SHC3: variants seen among roughly 807,000 people sequenced by gnomAD.
The protein encoded by SHC3 is SHC-transforming protein 3.
A neutral mutation model predicts 60.4 loss-of-function variants in SHC3; 15 were observed. The observed-to-expected ratio is 0.25, with a 90% CI of 0.17 to 0.38. SHC3 has a LOEUF of 0.38. Ranked by LOEUF, SHC3 falls within the 10% of genes least tolerant of loss-of-function variation. The pLI, the probability that SHC3 is intolerant of heterozygous loss-of-function variation, is 1.00. For synonymous variants in SHC3, 294 were observed against 325.9 expected, an observed-to-expected ratio of 0.90 and a Z score of 1.05; for missense variants, 677 against 786.1, an observed-to-expected ratio of 0.86 and a Z score of 1.66.
rs569402461 is a variant in SHC3, at chr9:89,139,795, G to T, written c.475-27169C>A. Among the ~76,000 whole-genome samples, 18 of 152,198 alleles carry T rather than the reference G, an allele frequency of 1.2e-4. No individual in the cohort carries two copies. In the South Asian group the frequency reaches 3.7e-3, roughly 32 times the overall value. Reference sequence around the variant, plus strand: ...TAAAATTACCAGTTTCTCCAATTCTGTCCTATTGCAAAAGGGCTGATAAAG... The same window carrying T: ...TAAAATTACCAGTTTCTCCAATTCTTTCCTATTGCAAAAGGGCTGATAAAG... On this transcript the variant is annotated intron_variant, in intron 1 of 11. Coordinates refer to ENST00000375835, the MANE Select transcript of SHC3 (RefSeq NM_016848.6).
At chr9:89,053,076 G>A (rs955237966) in intron 6 of SHC3, among the ~76,000 whole-genome samples, 2 of 152,310 alleles carry the variant, frequency 1.3e-5, no homozygotes, top group East Asian at 1.9e-4. Flanking sequence ...CACTTCCACC[G>A]TGCCCTACCA....
At chr9:89,035,753 T>G (rs1234694926) in intron 11 of SHC3, among the ~76,000 whole-genome samples, 1 of 149,572 alleles carries the variant, frequency 6.7e-6, no homozygotes, top group East Asian at 2.0e-4. Context: ...GGTCAGGAGT[T>G]CAAGACCAGA....
intron 1 of SHC3, among the ~76,000 whole-genome samples, chr9:89,160,603 G>A (rs1826690632): frequency 6.6e-6 from 1 of 152,188 alleles, no homozygotes; most frequent in Non-Finnish European, 1.5e-5. Context: ...TTAGAGGTGG[G>A]GGCAAGTGAA....
chr9:89,136,300 C>A (rs942126334), intron 1 of SHC3, among the ~76,000 whole-genome samples: 5 of 152,196 alleles, frequency 3.3e-5, no homozygotes, highest in African/African-American at 9.7e-5. Context: ...CTGAGACCTA[C>A]TGGGCTGTAT....
intron 1 of SHC3, among the ~76,000 whole-genome samples, chr9:89,129,296 G>A (rs1279644599): frequency 1.3e-5 from 2 of 152,214 alleles, no homozygotes; most frequent in Admixed American, 1.3e-4. Context: ...GTACCTGAAA[G>A]TGACACGGAG....
In SHC3 at chr9:89,023,217, C is replaced by G. The variant is rs193211145; in HGVS notation, c.1657-9642G>C. Among the ~76,000 whole-genome samples the G allele has an allele frequency of 1.2e-3, 184 of 152,324 alleles. 1 individual carries two copies. The highest frequency in any genetic ancestry group is 2.9e-4 in the Non-Finnish European group (20 of 68,034). On this transcript the variant is annotated intron_variant, in intron 11 of 11. Transcript: ENST00000375835. ...TCAGGAGTCAGCAGCCCAGAATAAACTCTGAGGCCAGCTTGATAAGCCTTA... is the reference window on the plus strand; with the variant it reads ...TCAGGAGTCAGCAGCCCAGAATAAAGTCTGAGGCCAGCTTGATAAGCCTTA...
intron 2 of SHC3, among the ~76,000 whole-genome samples, chr9:89,106,942 C>T (rs1825868671): frequency 6.6e-6 from 1 of 152,074 alleles, no homozygotes; most frequent in African/African-American, 2.4e-5. Context: ...GAAGCAGAGC[C>T]CCAATCCCTG....
chr9:89,127,430 C>T (rs984775713), intron 1 of SHC3, among the ~76,000 whole-genome samples: 2 of 151,950 alleles, frequency 1.3e-5, no homozygotes, highest in Non-Finnish European at 2.9e-5. Flanking sequence ...GATATTCAAG[C>T]TCTAACAGCC....
intron 1 of SHC3, among the ~76,000 whole-genome samples, chr9:89,114,617 T>G (rs62547210): frequency 6.6e-6 from 1 of 152,160 alleles, no homozygotes; most frequent in Non-Finnish European, 1.5e-5. Context: ...CTATGGATTT[T>G]GGTATCCTAG....
chr9:89,020,391 C>T (rs1826179336), intron 11 of SHC3, among the ~76,000 whole-genome samples: 1 of 151,936 alleles, frequency 6.6e-6, no homozygotes, highest in African/African-American at 2.4e-5. Flanking sequence ...GGTGTGGGGG[C>T]CTCTGTGGTC....
chr9:89,024,778 A>ACAT (rs1826262239), intron 11 of SHC3, among the ~76,000 whole-genome samples: 1 of 152,238 alleles, frequency 6.6e-6, no homozygotes, highest in African/African-American at 2.4e-5. Context: ...CAGGGAATGG[A>ACAT]CATCAGCAGA....
At chr9:89,028,625 A>G (rs1162626783) in intron 11 of SHC3, among the ~76,000 whole-genome samples, 1 of 146,968 alleles carries the variant, frequency 6.8e-6, no homozygotes, top group Non-Finnish European at 1.5e-5. Context: ...GATATAGATT[A>G]TCTCTCTATA....
chr9:89,089,544 T>A (rs992413065), intron 2 of SHC3, among the ~76,000 whole-genome samples: 10 of 152,184 alleles, frequency 6.6e-5, no homozygotes, highest in African/African-American at 2.2e-4. Context: ...CTGGGTTTTA[T>A]GCCCCCCGAC....
At chr9:89,053,926 C>T (rs12380617) in intron 6 of SHC3, among the ~76,000 whole-genome samples, 7,954 of 152,274 alleles carry the variant, frequency 0.052, 278 homozygotes, top group Middle Eastern at 0.085. Flanking sequence ...TCCTGTGCCA[C>T]GCCCCTCCCG....
At chr9:89,133,922 T>A (rs1045964484) in intron 1 of SHC3, among the ~76,000 whole-genome samples, 6 of 151,952 alleles carry the variant, frequency 3.9e-5, no homozygotes, top group Non-Finnish European at 7.4e-5. Context: ...AAAAAATTGT[T>A]CAGAATATCT....
intron 1 of SHC3, among the ~76,000 whole-genome samples, chr9:89,138,902 T>C (rs1826355724): frequency 6.6e-6 from 1 of 152,032 alleles, no homozygotes; most frequent in African/African-American, 2.4e-5. Flanking sequence ...GACTCTTGAG[T>C]TCTGAGAAAA....
Position 89,178,303 on chromosome 9 carries a change from A to G in SHC3, c.158T>C (p.Leu53Pro). Residue 53 changes from leucine to proline, a missense_variant, in exon 1 of 12, where the codon CTG becomes CCG. By Grantham distance (98) the Leu-to-Pro change is moderately conservative. Coordinates refer to ENST00000375835, the MANE Select transcript of SHC3 (RefSeq NM_016848.6). This position sits in a 1 kb window ranked among gnomAD's most constrained non-coding sequence, Gnocchi z 6.9. ...AAPYLVSGEA[L>P]RKAPDDGPGS... ...GGGCCCATCGTCGGGCGCCTTGCGC[A>G]GCGCCTCGCCGGACACCAAGTAGGG... The G allele has an allele frequency of 6.3e-7, 1 of 1,581,012 alleles. No homozygotes were observed.
At chr9:89,173,232 G>A (rs1826895211) in intron 1 of SHC3, among the ~76,000 whole-genome samples, 2 of 152,214 alleles carry the variant, frequency 1.3e-5, no homozygotes, top group South Asian at 4.1e-4. Flanking sequence ...CACCAGGCCA[G>A]GTGTCTGCTC....
intron 6 of SHC3, among the ~76,000 whole-genome samples, chr9:89,055,432 G>C (rs1170867827): frequency 6.6e-6 from 1 of 152,210 alleles, no homozygotes; most frequent in Non-Finnish European, 1.5e-5. Context: ...TTATGCCACA[G>C]TAAGAAACAA....
Sources: gnomAD v4.1 joint callset for allele counts (sites outside exome capture counted in the v4.1 genomes callset) on GRCh38, gnomAD v4.1.1 for gene constraint, Gnocchi (gnomAD v3.1) non-coding constraint, MANE v1.5 for transcripts, NCBI Gene and HGNC (gene_info 2026-07-23, HGNC 2026-07-21) for gene names.